Variants in ANKRD33B observed in about 807,000 individuals in gnomAD.
ANKRD33B encodes ankyrin repeat domain-containing protein 33B.
ANKRD33B carries 6 observed loss-of-function variants against 21.5 expected under a neutral mutation model. The observed-to-expected ratio is 0.28, with a 90% CI of 0.15 to 0.55. The LOEUF (loss-of-function observed/expected upper bound fraction) is 0.55, where lower values mean the gene tolerates loss of function less well. ANKRD33B is among the 20% of genes least tolerant of loss of function. ANKRD33B has a pLI of 0.94. For missense variants in ANKRD33B, 698 were observed against 747.2 expected (o/e 0.93, Z 0.77); for synonymous variants, 347 against 342.4 (o/e 1.01, Z -0.15).
intron 1 of ANKRD33B, among the ~76,000 whole-genome samples, chr5:10,569,797 CT>C: frequency 6.6e-6 from 1 of 152,246 alleles, no homozygotes; most frequent in Middle Eastern, 3.4e-3. Context: ...ATGTCTGCCT[CT>C]TCCTCTTCTG....
intron 2 of ANKRD33B, chr5:10,628,042 TG>T (rs1425388511): frequency 6.6e-6 from 1 of 152,302 alleles, no homozygotes; most frequent in Admixed American, 6.5e-5. Context: ...GCCGCGTGGC[TG>T]GTATGATGTC....
intron 3 of ANKRD33B, 46 bp downstream of exon 3, chr5:10,638,214 A>G (rs1432418278): frequency 6.6e-7 from 1 of 1,523,578 alleles, no homozygotes; most frequent in Non-Finnish European, 8.8e-7. Context: ...CTGGGACACC[A>G]GAGTTGCTCC....
chr5:10,595,976 T>C (rs763549169), intron 1 of ANKRD33B, among the ~76,000 whole-genome samples: 38 of 152,186 alleles, frequency 2.5e-4, no homozygotes, highest in Non-Finnish European at 4.1e-4. Flanking sequence ...GAAACTGCCT[T>C]CGCTGACTCA....
intron 3 of ANKRD33B, among the ~76,000 whole-genome samples, chr5:10,646,346 C>T (rs546262590): frequency 2.4e-4 from 36 of 152,276 alleles, no homozygotes; most frequent in African/African-American, 7.7e-4. Flanking sequence ...TGTTAATAAT[C>T]GGTACTTATC....
intron 1 of ANKRD33B, among the ~76,000 whole-genome samples, chr5:10,598,454 A>G (rs1384574135): frequency 6.6e-6 from 1 of 152,048 alleles, no homozygotes; most frequent in African/African-American, 2.4e-5. Context: ...TTTTGTAGAG[A>G]TGGAGTTTCA....
In ANKRD33B at chr5:10,599,356, A is replaced by G. The variant is rs572632486; in HGVS notation, c.367-18977A>G. ...TTTTTAAAATTGTGGTGAAATATAT[A>G]TAACATAAAATTGTTCATTTTAACC... On this transcript the variant is annotated intron_variant, in intron 1 of 3. Transcript: ENST00000296657. Among the ~76,000 whole-genome samples the G allele has an allele frequency of 1.1e-4, 16 of 152,302 alleles. No individual in the cohort carries two copies. In the South Asian group the frequency reaches 2.5e-3, roughly 24 times the overall value.
At chr5:10,629,056 A>G (rs1212043631) in intron 2 of ANKRD33B, among the ~76,000 whole-genome samples, 5 of 152,156 alleles carry the variant, frequency 3.3e-5, no homozygotes, top group Non-Finnish European at 5.9e-5. Flanking sequence ...GTGAAGAGGT[A>G]AAAACCAGCT....
intron 2 of ANKRD33B, 37 bp downstream of exon 2, chr5:10,618,499 G>A (rs1276476858): frequency 6.7e-7 from 1 of 1,490,602 alleles, no homozygotes; most frequent in South Asian, 1.3e-5. Context: ...TCAGAGCCGT[G>A]GCCAGAGCAC....
At chr5:10,564,872 GC>G (rs1178103731) in intron 1 of ANKRD33B, 39 bp downstream of exon 1, 29 of 1,465,830 alleles carry the variant, frequency 2.0e-5, no homozygotes, top group Non-Finnish European at 2.5e-5. Flanking sequence ...CCCCCTCACT[GC>G]CCCCACTCCC....
chr5:10,604,700 T>C (rs1736005703), intron 1 of ANKRD33B, among the ~76,000 whole-genome samples: 1 of 152,034 alleles, frequency 6.6e-6, no homozygotes, highest in Admixed American at 6.6e-5. Context: ...TATTTAATTA[T>C]ATATTGTCTT....
Position 10,652,743 on chromosome 5 carries a change from G to T in ANKRD33B, c.*2630G>T, listed in dbSNP as rs573624990. The stretch of plus-strand genomic sequence containing the variant: ...GCTGTTCTGGAGTGGACGTGTTGCG[G>T]CCCTGCCCCCGATGTGTTCCAGCCT... On this transcript the variant is annotated 3_prime_UTR_variant, in exon 4 of 4. Transcript: ENST00000296657. This position sits in a 1 kb window ranked among gnomAD's most constrained non-coding sequence, Gnocchi z 4.1. 57 of 202,684 alleles carry T rather than the reference G, an allele frequency of 2.8e-4. No individual in the cohort carries two copies. Among genetic ancestry groups the T allele is most frequent in the African/African-American group, 1.3e-3 (57 of 43,242 alleles). 12.6% of individuals were successfully genotyped at this position (202,684 alleles called of 1,614,324 possible).
intron 1 of ANKRD33B, among the ~76,000 whole-genome samples, chr5:10,607,496 G>A (rs1005215103): frequency 6.6e-6 from 1 of 152,222 alleles, no homozygotes; most frequent in African/African-American, 2.4e-5. Context: ...CTCAGAAAGG[G>A]TGGGGAAATG....
chr5:10,590,583 T>A (rs28576750), intron 1 of ANKRD33B, among the ~76,000 whole-genome samples: 85,427 of 149,334 alleles, frequency 0.57, 24,550 homozygotes, highest in East Asian at 0.71. Context: ...TTAAAATATT[T>A]TGAGATGCGC....
intron 2 of ANKRD33B, among the ~76,000 whole-genome samples, chr5:10,631,226 A>C (rs1277715237): frequency 1.3e-5 from 2 of 152,054 alleles, no homozygotes; most frequent in South Asian, 4.1e-4. Flanking sequence ...GCAGAGAGAA[A>C]CCTTTGCTTC....
chr5:10,643,019 T>G (rs1737100715), intron 3 of ANKRD33B, among the ~76,000 whole-genome samples: 1 of 152,198 alleles, frequency 6.6e-6, no homozygotes, highest in Middle Eastern at 3.4e-3. Flanking sequence ...ATTCTCTTGC[T>G]TCAGCCTCCT....
At position 10,656,395 on chromosome 5, in the gene ANKRD33B, A is replaced by C. The variant is rs1737488789; in HGVS notation, c.*6282A>C. 6.6e-6 allele frequency: 1 copy of C among 152,382 alleles called. No homozygotes were observed. 9.4% of individuals were successfully genotyped at this position (152,382 alleles called of 1,614,324 possible). Reference sequence around the variant, plus strand: ...GGCAGTGCCAATGTGGACAGTGTACACTAAGCTGTGAGTGTGTGCACGGGC... The same window carrying C: ...GGCAGTGCCAATGTGGACAGTGTACCCTAAGCTGTGAGTGTGTGCACGGGC... On this transcript the variant is annotated 3_prime_UTR_variant, in exon 4 of 4. Transcript: ENST00000296657.
chr5:10,566,090 C>A (rs1384267274), intron 1 of ANKRD33B, among the ~76,000 whole-genome samples: 1 of 152,316 alleles, frequency 6.6e-6, no homozygotes, highest in East Asian at 1.9e-4. Flanking sequence ...CCTCCCACAA[C>A]ACGTGGGAAT....
At chr5:10,585,281 A>C (rs1735529284) in intron 1 of ANKRD33B, among the ~76,000 whole-genome samples, 1 of 152,228 alleles carries the variant, frequency 6.6e-6, no homozygotes, top group Non-Finnish European at 1.5e-5. Context: ...GTGCTTACTT[A>C]GATCAATGCC....
chr5:10,564,090 C>T lies in ANKRD33B; in HGVS notation c.-378C>T, dbSNP rs1388871125. Among the ~76,000 whole-genome samples the T allele has an allele frequency of 1.3e-5, 2 of 152,150 alleles. No individual in the cohort carries two copies. The highest frequency in any genetic ancestry group is 2.9e-5 in the Non-Finnish European group (2 of 68,004). On this transcript the variant is annotated 5_prime_UTR_variant, in exon 1 of 4. Transcript: ENST00000296657. ...TCTTTAGTGATTGCTTCTGCTTCTC[C>T]CGCGCCAGCTGTCCCCAGCTCTGGG...
Sources: gnomAD v4.1 joint callset for allele counts (sites outside exome capture counted in the v4.1 genomes callset) on GRCh38, gnomAD v4.1.1 for gene constraint, Gnocchi (gnomAD v3.1) non-coding constraint, MANE v1.5 for transcripts, NCBI Gene and HGNC (gene_info 2026-07-23, HGNC 2026-07-21) for gene names.